The following COL17A1 variants were observed in gnomAD, a reference collection of about 807,000 sequenced individuals.
COL17A1 encodes the protein collagen alpha-1(XVII) chain.
Under a neutral mutation model 218.4 loss-of-function variants are expected in COL17A1, and 181 were observed. That is an observed-to-expected ratio of 0.83 (90% CI 0.73 to 0.94). COL17A1 has a LOEUF of 0.94. Ranked by LOEUF, COL17A1 falls within the 40% of genes least tolerant of loss-of-function variation. The pLI is 0.00. For missense variants in COL17A1, 1,924 were observed against 1,945.9 expected, an observed-to-expected ratio of 0.99 and a Z score of 0.21; for synonymous variants, 721 against 731.0, an observed-to-expected ratio of 0.99 and a Z score of 0.22.
intron 3 of COL17A1, 96 bp downstream of exon 3, chr10:104,078,446 T>A: frequency 6.6e-7 from 1 of 1,504,174 alleles, no homozygotes; most frequent in Non-Finnish European, 9.2e-7. Flanking sequence ...TTAAAAAAGA[T>A]GTCAAAAATT....
In COL17A1 at chr10:104,047,366, G is replaced by A. The variant is rs562770656; in HGVS notation, c.2335+373C>T. Reference sequence around the variant, plus strand: ...GAAGGGCTCAGAGGAGCAAGATAGCGAGGTGACCTTCAAGTCTGCAGTTTT... The same window carrying A: ...GAAGGGCTCAGAGGAGCAAGATAGCAAGGTGACCTTCAAGTCTGCAGTTTT... On this transcript the variant is annotated intron_variant, in intron 31 of 55. Coordinates refer to ENST00000648076, the MANE Select transcript of COL17A1 (RefSeq NM_000494.4). Among the ~76,000 whole-genome samples, 14 of 152,194 alleles carry A rather than the reference G, an allele frequency of 9.2e-5. No individual in the cohort carries two copies. The South Asian group carries it at 1.7e-3, about 18-fold the overall frequency.
At chr10:104,061,295 T>C in intron 13 of COL17A1, 110 bp downstream of exon 13, 1 of 1,132,918 alleles carries the variant, frequency 8.8e-7, no homozygotes, top group Non-Finnish European at 1.3e-6. Flanking sequence ...TGGGTCCTAT[T>C]TCCTCTTCCA....
rs142504140 is a variant in COL17A1, at chr10:104,061,789, CGTT to C, written c.911-319_911-317del. ...ATTCCCATTGTCTTATAGAGCCTCTCGTTGTCTCATGTGTGTTAGACTTTCTCT... is the reference window on the plus strand; with the variant it reads ...ATTCCCATTGTCTTATAGAGCCTCTCGTCTCATGTGTGTTAGACTTTCTCT... On this transcript the variant is annotated intron_variant, in intron 12 of 55. Coordinates refer to ENST00000648076, the MANE Select transcript of COL17A1 (RefSeq NM_000494.4). Among the ~76,000 whole-genome samples, 1,406 of 152,260 alleles carry C rather than the reference CGTT, an allele frequency of 9.2e-3. 24 individuals carry two copies. The highest frequency in any genetic ancestry group is 0.033 in the African/African-American group (1,350 of 41,534).
chr10:104,076,348 C>A lies in COL17A1; in HGVS notation c.284G>T (p.Gly95Val), dbSNP rs538962685. 20 of 1,614,114 alleles carry A rather than the reference C, an allele frequency of 1.2e-5. No homozygotes were observed. In the South Asian group the frequency reaches 1.8e-4, roughly 14 times the overall value. Residue 95 changes from glycine to valine, a missense_variant, in exon 5 of 56, where the codon GGC becomes GTC. By Grantham distance (109) the Gly-to-Val change is moderately radical. Transcript: ENST00000648076. The part of the protein sequence containing the change: ...SPASTLPNSP[G>V]STFERKTHVT... ...GTGAGTTTTCCTTTCAAAGGTTGAG[C>A]CTGGGGAGTTGGGCAGAGTGGAGGC...
chr10:104,040,257 C>T, intron 40 of COL17A1, 94 bp downstream of exon 40: 1 of 1,017,894 alleles, frequency 9.8e-7, no homozygotes, highest in Non-Finnish European at 1.6e-6. Flanking sequence ...AAAAATGCCC[C>T]AGCTCATTCA....
At chr10:104,074,253 T>C in intron 5 of COL17A1, 22 bp from the exon 6 acceptor site, 1 of 1,614,090 alleles carries the variant, frequency 6.2e-7, no homozygotes, top group Non-Finnish European at 8.5e-7. Flanking sequence ...ATGAAACACT[T>C]AGAACAAATG....
intron 40 of COL17A1, 124 bp from the exon 41 acceptor site, chr10:104,040,123 T>C (rs1337634447): frequency 1.8e-5 from 22 of 1,193,224 alleles, no homozygotes; most frequent in Middle Eastern, 1.9e-4. Flanking sequence ...GGGTTCCTTG[T>C]GCCTCTCCTC....
At chr10:104,048,227 G>A (rs111830325) in intron 29 of COL17A1, 123 bp from the exon 30 acceptor site, 17 of 972,338 alleles carry the variant, frequency 1.7e-5, no homozygotes, top group East Asian at 9.5e-5. Context: ...CATCAGCCAC[G>A]GGACAGCCCT....
In COL17A1 at chr10:104,045,786, G is replaced by A. The variant is rs777962582; in HGVS notation, c.2370C>T (p.Pro790=). ...LTGPQGPQGL[P]GTPGRPGIKG... ...TTATTCCTGGTCGGCCAGGGGTACCGGGAAGTCCTGATGTGATTAGAACAA... is the reference window on the plus strand; with the variant it reads ...TTATTCCTGGTCGGCCAGGGGTACCAGGAAGTCCTGATGTGATTAGAACAA... Residue 790 remains proline, a synonymous_variant, in exon 33 of 56, where the codon CCC becomes CCT. Transcript: ENST00000648076. 4.3e-6 allele frequency: 7 copies of A among 1,612,136 alleles called. No individual in the cohort carries two copies. Among genetic ancestry groups the A allele is most frequent in the South Asian group, 2.2e-5 (2 of 91,050 alleles).
chr10:104,050,737 G>A, intron 26 of COL17A1, 81 bp from the exon 27 acceptor site: 4 of 1,614,084 alleles, frequency 2.5e-6, no homozygotes, highest in Non-Finnish European at 3.4e-6. Flanking sequence ...TCTGAAGACA[G>A]GCTCCCTCAA....
In COL17A1 at chr10:104,046,753, G is replaced by T. The variant is rs1268608171; in HGVS notation, c.2356C>A (p.Pro786Thr). 2 of 1,614,022 alleles carry T rather than the reference G, an allele frequency of 1.2e-6. No homozygotes were observed. The highest frequency in any genetic ancestry group is 1.3e-5 in the African/African-American group (1 of 75,028). ...GAATGATCCAGCGACTCACCCTGAG[G>T]TCCCTGGGGTCCTGTGAGACCTGCA... ...GKPGLTGPQG[P>T]QGLPGTPGRP... is the part of the protein sequence containing the mutation. The change falls in exon 32 of 56, where the codon CCT becomes ACT. Residue 786 changes from proline (P) to threonine (T), a missense_variant. Pro to Thr is a conservative substitution (Grantham distance 38, BLOSUM62 -1). Coordinates refer to ENST00000648076, the MANE Select transcript of COL17A1 (RefSeq NM_000494.4).
intron 9 of COL17A1, among the ~76,000 whole-genome samples, chr10:104,069,460 G>T (rs1369860895): frequency 6.6e-6 from 1 of 152,110 alleles, no homozygotes; most frequent in African/African-American, 2.4e-5. Context: ...AAAGTAGAAA[G>T]AATAAGTCAA....
Position 104,041,103 on chromosome 10 carries a change from C to T in COL17A1, c.2663G>A (p.Gly888Asp). The T allele has an allele frequency of 6.2e-7, 1 of 1,613,816 alleles. No homozygotes were observed. The highest frequency in any genetic ancestry group is 8.5e-7 in the Non-Finnish European group (1 of 1,179,908). ...GAACGATCCTGGTGGGCCTGGTGGG[C>T]CTGGCAAACCCTCCCCTAGGAAAGA... ...PRGPPGEGLP[G>D]PPGPPGSFLS... Residue 888 changes from glycine (G) to aspartate (D), a missense_variant, in exon 39 of 56, where the codon GGC (glycine) becomes GAC (aspartate). Gly to Asp is a moderately conservative substitution (Grantham distance 94). Transcript: ENST00000648076.
intron 43 of COL17A1, 142 bp from the exon 44 acceptor site, chr10:104,039,263 G>A (rs1182318946): frequency 1.1e-5 from 11 of 1,020,498 alleles, no homozygotes; most frequent in Admixed American, 3.9e-5. Flanking sequence ...CAGCTCCCTT[G>A]TACAGAGGCT....
rs1554849247 is a variant in COL17A1, at chr10:104,055,444, TCACACACACACACA to T, written c.1688-57_1688-44del. ...TCCTGAGTCAGCTTCACATCTCCTGTCACACACACACACACACACACACACACACACACACACAA... is the reference window on the plus strand; with the variant it reads ...TCCTGAGTCAGCTTCACATCTCCTGTCACACACACACACACACACACACAA... On this transcript the variant is annotated intron_variant, in intron 18 of 55. Transcript: ENST00000648076. 2.6e-5 allele frequency: 29 copies of T among 1,131,428 alleles called. No individual in the cohort carries two copies. In the South Asian group the frequency reaches 3.1e-4, roughly 12 times the overall value. 70.1% of individuals were successfully genotyped at this position (1,131,428 alleles called of 1,614,324 possible).
chr10:104,038,431 C>T lies in COL17A1; in HGVS notation c.3045G>A (p.Gln1015=), dbSNP rs1458469268. ...GSISSSGQEI[Q]QYISEYMQSD... ...TCTGCATGTACTCAGAGATGTACTG[C>T]TGAATCTCCTGGCCAGAGCTGCTGA... Residue 1015 remains glutamine (Q), a synonymous_variant, in exon 45 of 56, where the codon CAG becomes CAA. Coordinates refer to ENST00000648076, the MANE Select transcript of COL17A1 (RefSeq NM_000494.4). 2 of 1,614,014 alleles carry T rather than the reference C, an allele frequency of 1.2e-6. No homozygotes were observed. Among genetic ancestry groups the T allele is most frequent in the Admixed American group, 1.7e-5 (1 of 60,026 alleles).
intron 40 of COL17A1, 67 bp from the exon 41 acceptor site, chr10:104,040,066 T>G: frequency 1.2e-5 from 18 of 1,524,900 alleles, no homozygotes; most frequent in Non-Finnish European, 1.5e-5. Context: ...AATGGGCCCA[T>G]GGAGGAGGGG....
At chr10:104,043,736 C>G (rs2086383811) in intron 34 of COL17A1, 89 bp downstream of exon 34, 1 of 1,564,778 alleles carries the variant, frequency 6.4e-7, no homozygotes, top group Non-Finnish European at 8.8e-7. Flanking sequence ...AAACTCCCAG[C>G]CACATCCTGC....
chr10:104,055,153 C>A, intron 19 of COL17A1, 146 bp from the exon 20 acceptor site: 1 of 1,488,320 alleles, frequency 6.7e-7, no homozygotes, highest in South Asian at 1.2e-5. Flanking sequence ...GTCCCAGAGT[C>A]TATGTCATTT....
Sources: allele counts gnomAD v4.1 joint callset (sites outside exome capture counted in the v4.1 genomes callset), GRCh38; gene constraint gnomAD v4.1.1; transcripts MANE v1.5; gene names NCBI Gene and HGNC (gene_info 2026-07-23, HGNC 2026-07-21).